The following CNTNAP5 variants were observed in gnomAD, a reference collection of about 807,000 sequenced individuals.
CNTNAP5 encodes contactin-associated protein-like 5.
CNTNAP5 carries 72 observed loss-of-function variants against 150.2 expected under a neutral mutation model. That is an observed-to-expected ratio of 0.48 (90% confidence interval 0.40 to 0.58). The LOEUF (loss-of-function observed/expected upper bound fraction) is 0.58. Ranked by LOEUF, CNTNAP5 falls within the 20% of genes least tolerant of loss-of-function variation. CNTNAP5 has a pLI of 0.00. For missense variants in CNTNAP5, 1,636 were observed against 1,626.2 expected (o/e 1.01, Z -0.10); for synonymous variants, 672 against 619.8 (o/e 1.08, Z -1.25).
At chr2:124,838,144 T>TGCAA in intron 19 of CNTNAP5, among the ~76,000 whole-genome samples, 1 of 152,266 alleles carries the variant, frequency 6.6e-6, no homozygotes, top group African/African-American at 2.4e-5. Context: ...AGATAATAAT[T>TGCAA]GCAAGAATAG....
intron 3 of CNTNAP5, among the ~76,000 whole-genome samples, chr2:124,386,184 C>T (rs746820712): frequency 7.2e-5 from 11 of 152,152 alleles, no homozygotes; most frequent in Non-Finnish European, 1.3e-4. Flanking sequence ...GATAGCTGCG[C>T]AGAATCACCT....
intron 19 of CNTNAP5, among the ~76,000 whole-genome samples, chr2:124,808,977 A>T: frequency 6.6e-6 from 1 of 151,516 alleles, no homozygotes; most frequent in East Asian, 1.9e-4. Context: ...TTATGGTAAG[A>T]CTTTTTTTTT....
Position 124,355,943 on chromosome 2 carries a change from C to T in CNTNAP5, c.382-61500C>T, listed in dbSNP as rs190011975. On this transcript the variant is annotated intron_variant, in intron 3 of 23. Coordinates refer to ENST00000682447, the MANE Select transcript of CNTNAP5 (RefSeq NM_001367498.1). ...GAGGCAATGCTAAGATGTTGTAACA[C>T]GTCTGCAAATGAAATGGAAATGATT... Among the ~76,000 whole-genome samples the T allele has an allele frequency of 7.9e-4, 120 of 152,138 alleles. 1 individual carries two copies. Among genetic ancestry groups the T allele is most frequent in the African/African-American group, 2.8e-3 (115 of 41,510 alleles).
chr2:124,674,151 A>G, intron 13 of CNTNAP5, among the ~76,000 whole-genome samples: 1 of 152,148 alleles, frequency 6.6e-6, no homozygotes, highest in Non-Finnish European at 1.5e-5. Context: ...AAATGTTTTG[A>G]TCTTCTCAAA....
intron 13 of CNTNAP5, among the ~76,000 whole-genome samples, chr2:124,668,012 A>G (rs13022965): frequency 0.25 from 37,541 of 152,086 alleles, 4,870 homozygotes; most frequent in African/African-American, 0.33. Context: ...ATAAAATGTG[A>G]ACTTTCCTTT....
At chr2:124,260,612 T>A (rs1687428713) in intron 3 of CNTNAP5, among the ~76,000 whole-genome samples, 1 of 152,246 alleles carries the variant, frequency 6.6e-6, no homozygotes, top group Admixed American at 6.5e-5. Context: ...TTTTGCAATC[T>A]ACTCATTTGA....
intron 1 of CNTNAP5, among the ~76,000 whole-genome samples, chr2:124,084,924 G>GTTTTTTTTTTTTTTTTTTTTTTTTTTT (rs71394021): frequency 1.1e-5 from 1 of 89,994 alleles, no homozygotes; most frequent in Non-Finnish European, 2.0e-5. Flanking sequence ...CAAGTTTCCT[G>GTTTTTTTTTTTTTTTTTTTTTTTTTTT]TTTTTTTTTT....
intron 1 of CNTNAP5, among the ~76,000 whole-genome samples, chr2:124,057,081 C>G (rs1681869904): frequency 6.6e-6 from 1 of 152,044 alleles, no homozygotes; most frequent in Admixed American, 6.6e-5. Context: ...ATCTCATGAG[C>G]CCCATTAAAC....
chr2:124,766,720 G>A (rs188230752), intron 16 of CNTNAP5, among the ~76,000 whole-genome samples: 1 of 152,216 alleles, frequency 6.6e-6, no homozygotes, highest in African/African-American at 2.4e-5. Flanking sequence ...AGGCCCCATG[G>A]CCTTTTGATT....
chr2:124,229,428 G>C (rs1364669845), intron 2 of CNTNAP5, among the ~76,000 whole-genome samples: 3 of 152,114 alleles, frequency 2.0e-5, no homozygotes, highest in Non-Finnish European at 4.4e-5. Context: ...GAAGGGATTT[G>C]CCAAATAGAA....
intron 1 of CNTNAP5, among the ~76,000 whole-genome samples, chr2:124,137,133 T>G (rs961854743): frequency 6.6e-6 from 1 of 152,156 alleles, no homozygotes; most frequent in African/African-American, 2.4e-5. Flanking sequence ...GATGACCCTT[T>G]CTATCACCAC....
intron 7 of CNTNAP5, among the ~76,000 whole-genome samples, chr2:124,476,999 T>G (rs998668429): frequency 1.3e-5 from 2 of 152,178 alleles, no homozygotes; most frequent in South Asian, 4.1e-4. Flanking sequence ...TGTTTTTCTT[T>G]TGGTCCCGAG....
intron 19 of CNTNAP5, among the ~76,000 whole-genome samples, chr2:124,841,828 C>T (rs1435912374): frequency 1.3e-5 from 2 of 152,130 alleles, no homozygotes; most frequent in East Asian, 3.9e-4. Flanking sequence ...TGAGCATGAG[C>T]TCCTTGTTAG....
intron 19 of CNTNAP5, among the ~76,000 whole-genome samples, chr2:124,804,787 A>T (rs1682046986): frequency 6.6e-6 from 1 of 152,214 alleles, no homozygotes; most frequent in Non-Finnish European, 1.5e-5. Context: ...ATGACATTTT[A>T]TTGTAGCCAA....
chr2:124,172,306 G>C (rs1260554598), intron 1 of CNTNAP5, among the ~76,000 whole-genome samples: 1 of 152,134 alleles, frequency 6.6e-6, no homozygotes, highest in Non-Finnish European at 1.5e-5. Flanking sequence ...GACGTGCTCA[G>C]TTTAGAAATT....
intron 11 of CNTNAP5, among the ~76,000 whole-genome samples, chr2:124,597,824 T>C (rs1043305483): frequency 6.6e-6 from 1 of 150,482 alleles, no homozygotes; most frequent in Non-Finnish European, 1.5e-5. Context: ...CCCATATTTC[T>C]TGGAGGCTTT....
At chr2:124,584,515 C>T (rs1197105293) in intron 11 of CNTNAP5, among the ~76,000 whole-genome samples, 5 of 152,116 alleles carry the variant, frequency 3.3e-5, no homozygotes, top group Admixed American at 1.3e-4. Flanking sequence ...TTCATCTTTT[C>T]CTCAAACCTC....
At chr2:124,291,216 A>G (rs1307392115) in intron 3 of CNTNAP5, among the ~76,000 whole-genome samples, 1 of 152,134 alleles carries the variant, frequency 6.6e-6, no homozygotes, top group Non-Finnish European at 1.5e-5. Context: ...ATATCTCCAC[A>G]GATAGATTCT....
intron 1 of CNTNAP5, among the ~76,000 whole-genome samples, chr2:124,168,114 T>C (rs188658446): frequency 2.6e-5 from 4 of 152,292 alleles, no homozygotes; most frequent in African/African-American, 9.6e-5. Flanking sequence ...ATCAATGTAT[T>C]AGTTAACGTG....
Sources: gnomAD v4.1 joint callset for allele counts (sites outside exome capture counted in the v4.1 genomes callset) on GRCh38, gnomAD v4.1.1 for gene constraint, MANE v1.5 for transcripts, NCBI Gene and HGNC (gene_info 2026-07-23, HGNC 2026-07-21) for gene names.